CIT: variants seen among roughly 807,000 people sequenced by gnomAD.
CIT encodes the protein citron rho-interacting serine/threonine kinase.
In CIT, 79 loss-of-function variants were observed where a neutral mutation model predicts 272.7. The ratio of observed to expected loss-of-function variants is 0.29; its 90% confidence interval spans 0.24 to 0.35. CIT has a LOEUF of 0.35. Ranked by LOEUF, CIT falls within the 10% of genes least tolerant of loss-of-function variation. CIT has a pLI of 1.00. For missense variants in CIT, 1,909 were observed against 2,618.3 expected (o/e 0.73, Z 5.91); for synonymous variants, 948 against 995.6 (o/e 0.95, Z 0.90).
intron 9 of CIT, among the ~76,000 whole-genome samples, chr12:119,819,228 G>A (rs1967471744): frequency 6.6e-6 from 1 of 152,170 alleles, no homozygotes; most frequent in African/African-American, 2.4e-5. Flanking sequence ...ATGAGAGCCT[G>A]GTGACCCATG....
intron 39 of CIT, among the ~76,000 whole-genome samples, chr12:119,709,047 C>T (rs1957020470): frequency 6.6e-6 from 1 of 152,096 alleles, no homozygotes; most frequent in Non-Finnish European, 1.5e-5. Context: ...ACTAGAGAGA[C>T]ATGATTAAAT....
intron 7 of CIT, 143 bp downstream of exon 7, chr12:119,832,628 C>T: frequency 5.0e-6 from 3 of 604,380 alleles, no homozygotes; most frequent in East Asian, 5.8e-5. Context: ...GGAAATGGTT[C>T]TGTGTCCCTG....
chr12:119,844,021 CTTTTT>C (rs113598683), intron 5 of CIT, among the ~76,000 whole-genome samples: 5 of 134,634 alleles, frequency 3.7e-5, no homozygotes, highest in African/African-American at 1.4e-4. Flanking sequence ...GGTACACACA[CTTTTT>C]TTTTTTTTTT....
chr12:119,861,531 G>A (rs1260429955), intron 3 of CIT, among the ~76,000 whole-genome samples: 1 of 151,720 alleles, frequency 6.6e-6, no homozygotes, highest in African/African-American at 2.4e-5. Flanking sequence ...AGGTTGCAGT[G>A]AGCCGAGATC....
chr12:119,786,366 T>C (rs568560410), intron 10 of CIT, among the ~76,000 whole-genome samples: 1 of 152,330 alleles, frequency 6.6e-6, no homozygotes, highest in Non-Finnish European at 1.5e-5. Flanking sequence ...CACACTCATC[T>C]ATGTAACTCA....
intron 13 of CIT, among the ~76,000 whole-genome samples, chr12:119,778,336 C>G (rs918424589): frequency 1.2e-4 from 18 of 152,052 alleles, no homozygotes; most frequent in Admixed American, 3.3e-4. Flanking sequence ...TCTGTGTTAG[C>G]AAAAATCAAG....
At chr12:119,862,807 C>A (rs1454576719) in intron 3 of CIT, among the ~76,000 whole-genome samples, 2 of 13,986 alleles carry the variant, frequency 1.4e-4, no homozygotes, top group African/African-American at 5.0e-4. Flanking sequence ...AAGACTCTAC[C>A]TAAAAAAAAA....
chr12:119,828,747 T>A (rs1439318718), intron 7 of CIT, among the ~76,000 whole-genome samples: 1 of 152,046 alleles, frequency 6.6e-6, no homozygotes, highest in Non-Finnish European at 1.5e-5. Flanking sequence ...AATTTTTTTT[T>A]AGTAGAGACA....
intron 9 of CIT, among the ~76,000 whole-genome samples, chr12:119,813,602 C>T (rs777382617): frequency 6.6e-5 from 10 of 152,244 alleles, no homozygotes; most frequent in African/African-American, 1.7e-4. Flanking sequence ...AAGGTTTTCC[C>T]GCAAGTGAGA....
rs776255640 is a variant in CIT at position 119,745,567 on chromosome 12, A to C, written c.2905-3103T>G. 1.7e-3 allele frequency among the ~76,000 whole-genome samples: 231 copies of C among 136,834 alleles called. 8 individuals are homozygous for C. The highest frequency in any genetic ancestry group is 5.2e-4 in the Non-Finnish European group (32 of 61,306). 89.8% of individuals were successfully genotyped at this position (136,834 alleles called of 152,430 possible). On this transcript the variant is annotated intron_variant, in intron 23 of 47. Transcript: ENST00000392521. ...CCGACAGATGGAAAATGGCAACCAGAAATTTGGATCTACACAAATGAATGA... is the reference window on the plus strand; with the variant it reads ...CCGACAGATGGAAAATGGCAACCAGCAATTTGGATCTACACAAATGAATGA...
In CIT at chr12:119,784,891, G is replaced by A. The variant is rs1219856900; in HGVS notation, c.1401+69C>T. On this transcript the variant is annotated intron_variant, in intron 11 of 47. Coordinates refer to ENST00000392521, the MANE Select transcript of CIT (RefSeq NM_001206999.2). This position sits in a 1 kb window ranked among gnomAD's most constrained non-coding sequence, Gnocchi z 4.7. ...CTCAGAGCCAGCAGCGGCCCCGGGC[G>A]GATCCCTTGGCATATACGGACGGGA... 1.6e-5 allele frequency: 25 copies of A among 1,581,818 alleles called. No individual in the cohort carries two copies. Among genetic ancestry groups the A allele is most frequent in the South Asian group, 5.8e-5 (5 of 86,400 alleles).
At chr12:119,860,402 G>A (rs552481142) in intron 3 of CIT, among the ~76,000 whole-genome samples, 98 of 152,220 alleles carry the variant, frequency 6.4e-4, no homozygotes, top group Admixed American at 1.1e-3. Context: ...AAAGCTGCAC[G>A]GTATTTTCCT....
Position 119,804,320 on chromosome 12 carries a change from G to C in CIT, c.1112-931C>G. The C allele has an allele frequency of 2.0e-6, 2 of 985,576 alleles. No homozygotes were observed. Among genetic ancestry groups the C allele is most frequent in the Non-Finnish European group, 2.4e-6 (2 of 830,038 alleles). 61.1% of individuals were successfully genotyped at this position (985,576 alleles called of 1,614,324 possible). A position where few individuals can be genotyped will look rare whatever the true frequency, so the allele number is the denominator to read the frequency against. On this transcript the variant is annotated intron_variant, in intron 9 of 47. Coordinates refer to ENST00000392521, the MANE Select transcript of CIT (RefSeq NM_001206999.2). This position sits in a 1 kb window ranked among gnomAD's most constrained non-coding sequence, Gnocchi z 5.3. ...CCCGGGGGTGTCCCCCGCCAGAAAC[G>C]TTACCATGGTTGCAAGCTGAGGCGT...
chr12:119,761,143 A>G, intron 19 of CIT, 88 bp from the exon 20 acceptor site: 2 of 1,029,122 alleles, frequency 1.9e-6, no homozygotes, highest in South Asian at 2.6e-5. Flanking sequence ...AATCTAGGAA[A>G]GAGGAGAAAA....
intron 5 of CIT, among the ~76,000 whole-genome samples, chr12:119,843,714 G>A (rs1969572060): frequency 6.6e-6 from 1 of 152,040 alleles, no homozygotes; most frequent in Admixed American, 6.5e-5. Flanking sequence ...GGAGGCTGAG[G>A]CAGGAGAATT....
intron 7 of CIT, among the ~76,000 whole-genome samples, chr12:119,832,096 C>A (rs773243720): frequency 1.8e-4 from 28 of 152,282 alleles, no homozygotes; most frequent in Non-Finnish European, 3.2e-4. Flanking sequence ...AAACCTAAGT[C>A]GATTTTCTCT....
At chr12:119,699,228 C>A (rs1252113153) in intron 44 of CIT, among the ~76,000 whole-genome samples, 1 of 146,724 alleles carries the variant, frequency 6.8e-6, no homozygotes, top group Non-Finnish European at 1.5e-5. Flanking sequence ...TGCCCTACAG[C>A]CTGGGCAACA....
At position 119,710,518 on chromosome 12, in the gene CIT, G is replaced by T; in HGVS notation, c.4935+22C>A. 1 of 1,613,768 alleles carries T rather than the reference G, an allele frequency of 6.2e-7. No homozygotes were observed. Among genetic ancestry groups the T allele is most frequent in the Non-Finnish European group, 8.5e-7 (1 of 1,179,644 alleles). On this transcript the variant is annotated intron_variant, in intron 38 of 47. Transcript: ENST00000392521. This position sits in a 1 kb window ranked among gnomAD's most constrained non-coding sequence, Gnocchi z 5.6. ...TGTGGCTGTAACCAGACACCAGCTG[G>T]CCGTGCCCATGCAAGCATTACCTGG...
At chr12:119,789,666 A>G (rs1245726762) in intron 10 of CIT, among the ~76,000 whole-genome samples, 1 of 152,052 alleles carries the variant, frequency 6.6e-6, no homozygotes, top group Admixed American at 6.6e-5. Flanking sequence ...GAAATATTAC[A>G]ATTTATTTTC....
Sources: allele counts gnomAD v4.1 joint callset (sites outside exome capture counted in the v4.1 genomes callset), GRCh38; gene constraint gnomAD v4.1.1; non-coding constraint Gnocchi (gnomAD v3.1); transcripts MANE v1.5; gene names NCBI Gene and HGNC (gene_info 2026-07-23, HGNC 2026-07-21).